ZNF528: variants seen among roughly 807,000 people sequenced by gnomAD.
ZNF528 encodes the protein zinc finger protein 528.
A neutral mutation model predicts 13.3 loss-of-function variants in ZNF528; 9 were observed. The ratio of observed to expected loss-of-function variants is 0.67; its 90% CI spans 0.41 to 1.18. ZNF528 has a LOEUF of 1.18. ZNF528 is among the 50% of genes most tolerant of loss of function. The pLI, the probability that ZNF528 is intolerant of heterozygous loss-of-function variation, is 0.01. For missense variants in ZNF528, 858 were observed against 745.4 expected (o/e 1.15, Z -1.76); for synonymous variants, 264 against 254.3 (o/e 1.04, Z -0.36).
rs116575933 is a variant in ZNF528 at position 52,401,579 on chromosome 19, T to G, written c.-136-106T>G. ...AACTACACAGCCCCCTTTCCTTTTC[T>G]GAGAGCGTTTTGTATTTTTAAAATA... is the stretch of plus-strand genomic sequence containing the variant. On this transcript the variant is annotated intron_variant, in intron 2 of 6. Coordinates refer to ENST00000360465, the MANE Select transcript of ZNF528 (RefSeq NM_032423.3). 1.3e-3 allele frequency: 1,301 copies of G among 991,822 alleles called. 15 individuals carry two copies. In the African/African-American group the frequency reaches 0.021, roughly 16 times the overall value. 61.4% of individuals were successfully genotyped at this position (991,822 alleles called of 1,614,324 possible). A position where few individuals can be genotyped will look rare whatever the true frequency, so the allele number is the denominator to read the frequency against.
At position 52,405,921 on chromosome 19, in the gene ZNF528, C is replaced by G. The variant is rs1317892737; in HGVS notation, c.30C>G (p.Phe10Leu). Residue 10 changes from phenylalanine (F) to leucine (L), a missense_variant, in exon 5 of 7, where the codon TTC becomes TTG. Coordinates refer to ENST00000360465, the MANE Select transcript of ZNF528 (RefSeq NM_032423.3). ...TTTTCTTTCAGGGACCCTTGAAATT[C>G]ATGGATGTGGCCATAGAGTTCTCTC... MALTQGPLKFMDVAIEFSQE... is the reference protein window; with the variant it reads MALTQGPLKLMDVAIEFSQE... The G allele has an allele frequency of 6.2e-7, 1 of 1,610,904 alleles. No homozygotes were observed. The highest frequency in any genetic ancestry group is 1.7e-5 in the Admixed American group (1 of 59,910).
rs376713759 is a variant in ZNF528, at chr19:52,407,446, G to C, written c.271+803G>C. Among the ~76,000 whole-genome samples the C allele has an allele frequency of 1.1e-4, 17 of 152,202 alleles. No homozygotes were observed. The East Asian group carries it at 2.9e-3, about 26-fold the overall frequency. Reference sequence around the variant, plus strand: ...TAAGCCACAGCAACCAGTAAGGTGTGTTGTTTAATTGGCAAATATTTGTGG... The same window carrying C: ...TAAGCCACAGCAACCAGTAAGGTGTCTTGTTTAATTGGCAAATATTTGTGG... On this transcript the variant is annotated intron_variant, in intron 6 of 6. Coordinates refer to ENST00000360465, the MANE Select transcript of ZNF528 (RefSeq NM_032423.3).
intron 6 of ZNF528, among the ~76,000 whole-genome samples, chr19:52,408,978 T>G (rs1430105017): frequency 1.3e-5 from 2 of 152,214 alleles, no homozygotes; most frequent in Non-Finnish European, 2.9e-5. Flanking sequence ...GAATACTAAT[T>G]AACTTCCTCA....
Position 52,405,954 on chromosome 19 carries a change from G to C in ZNF528, c.63G>C (p.Glu21Asp), listed in dbSNP as rs1268298372. Residue 21 changes from glutamate to aspartate, a missense_variant, in exon 5 of 7, where the codon GAG becomes GAC. Coordinates refer to ENST00000360465, the MANE Select transcript of ZNF528 (RefSeq NM_032423.3). ...MDVAIEFSQEEWKCLDPAQRT... is the reference protein window; with the variant it reads ...MDVAIEFSQEDWKCLDPAQRT... ...TGGCCATAGAGTTCTCTCAGGAAGA[G>C]TGGAAATGCCTGGACCCTGCGCAGA... The C allele has an allele frequency of 6.2e-7, 1 of 1,612,240 alleles. No individual in the cohort carries two copies. The highest frequency in any genetic ancestry group is 8.5e-7 in the Non-Finnish European group (1 of 1,178,684).
intron 4 of ZNF528, 146 bp from the exon 5 acceptor site, chr19:52,405,761 C>A: frequency 2.0e-6 from 2 of 1,002,914 alleles, no homozygotes; most frequent in Non-Finnish European, 3.0e-6. Flanking sequence ...CAATTACAGA[C>A]ACGTAACTGG....
chr19:52,416,743 T>C lies in ZNF528; in HGVS notation c.*4T>C. On this transcript the variant is annotated 3_prime_UTR_variant, in exon 7 of 7. Coordinates refer to ENST00000360465, the MANE Select transcript of ZNF528 (RefSeq NM_032423.3). ...GCATCAGAGAGTTCATTCATGAGAG[T>C]CCCTACAAACTGTATGGCAAAACCA... 1 of 1,505,030 alleles carries C rather than the reference T, an allele frequency of 6.6e-7. No homozygotes were observed. The highest frequency in any genetic ancestry group is 8.9e-7 in the Non-Finnish European group (1 of 1,118,056). 93.2% of individuals were successfully genotyped at this position (1,505,030 alleles called of 1,614,324 possible).
At chr19:52,414,843 T>C in intron 6 of ZNF528, 1 of 964,136 alleles carries the variant, frequency 1.0e-6, no homozygotes, top group Non-Finnish European at 1.5e-6. Context: ...CCTAAGAGGC[T>C]CATCCCTGCT....
chr19:52,409,302 CTTT>C (rs201367844), intron 6 of ZNF528, among the ~76,000 whole-genome samples: 3 of 140,528 alleles, frequency 2.1e-5, no homozygotes. Context: ...GATCAAATCT[CTTT>C]TTTTTTTTTT....
chr19:52,403,973 T>A (rs200175334), intron 4 of ZNF528, among the ~76,000 whole-genome samples: 1 of 22,906 alleles, frequency 4.4e-5, no homozygotes, highest in African/African-American at 5.4e-5. Flanking sequence ...TATGCAGATA[T>A]AATGACCTTT....
chr19:52,402,841 A>C (rs2058811135), intron 4 of ZNF528, among the ~76,000 whole-genome samples: 1 of 152,318 alleles, frequency 6.6e-6, no homozygotes, highest in East Asian at 1.9e-4. Context: ...AATTTTGTTA[A>C]TACCTAAATA....
At chr19:52,413,567 T>G (rs776305762) in intron 6 of ZNF528, 2 of 152,206 alleles carry the variant, frequency 1.3e-5, no homozygotes, top group African/African-American at 2.4e-5. Context: ...AAGCACAAGG[T>G]CCTAAGGGCT....
rs373238371 is a variant in ZNF528 at position 52,406,654 on chromosome 19, G to C, written c.271+11G>C. Reference sequence around the variant, plus strand: ...AAGGTGTGAACACAGGTGAGAGCTCGGGTGGGCAGAGTGGAGGCCCCATAA... The same window carrying C: ...AAGGTGTGAACACAGGTGAGAGCTCCGGTGGGCAGAGTGGAGGCCCCATAA... On this transcript the variant is annotated intron_variant, in intron 6 of 6. Coordinates refer to ENST00000360465, the MANE Select transcript of ZNF528 (RefSeq NM_032423.3). The C allele has an allele frequency of 6.2e-7, 1 of 1,603,990 alleles. No homozygotes were observed. Among genetic ancestry groups the C allele is most frequent in the Admixed American group, 1.7e-5 (1 of 57,576 alleles).
chr19:52,408,690 C>T (rs2122554098), intron 6 of ZNF528, among the ~76,000 whole-genome samples: 1 of 152,238 alleles, frequency 6.6e-6, no homozygotes, highest in East Asian at 1.9e-4. Context: ...TCTCCTGCCT[C>T]AGCCTCCCGA....
intron 6 of ZNF528, chr19:52,414,915 C>G (rs769462136): frequency 1.3e-4 from 198 of 1,484,920 alleles, no homozygotes; most frequent in Non-Finnish European, 1.7e-4. Context: ...TCAGATTTAC[C>G]CATAATTCTC....
intron 2 of ZNF528, among the ~76,000 whole-genome samples, chr19:52,398,842 AAGG>A (rs1363635300): frequency 6.6e-6 from 1 of 152,154 alleles, no homozygotes; most frequent in African/African-American, 2.4e-5. Flanking sequence ...AGCTGGTCAC[AAGG>A]AGAACAGGGA....
intron 2 of ZNF528, among the ~76,000 whole-genome samples, chr19:52,400,282 C>G (rs1442526925): frequency 6.7e-6 from 1 of 149,936 alleles, no homozygotes; most frequent in Non-Finnish European, 1.5e-5. Context: ...ATTTTTTCCA[C>G]TATTTCATCC....
intron 6 of ZNF528, among the ~76,000 whole-genome samples, chr19:52,410,049 C>G (rs1040060213): frequency 1.3e-5 from 2 of 152,124 alleles, no homozygotes; most frequent in Non-Finnish European, 2.9e-5. Flanking sequence ...TTATCCATCC[C>G]CCCTTGGTTT....
rs2058999224 is a variant in ZNF528 at position 52,416,078 on chromosome 19, A to T, written c.1226A>T (p.Tyr409Phe). 6.2e-7 allele frequency: 1 copy of T among 1,614,052 alleles called. No homozygotes were observed. The highest frequency in any genetic ancestry group is 2.2e-5 in the East Asian group (1 of 44,880). The change falls in exon 7 of 7, where the codon TAT becomes TTT. Residue 409 changes from tyrosine (Y) to phenylalanine (F), a missense_variant. Tyr to Phe is a conservative substitution (Grantham distance 22). Coordinates refer to ENST00000360465, the MANE Select transcript of ZNF528 (RefSeq NM_032423.3). The stretch of plus-strand genomic sequence containing the variant: ...AGAATTCATACTAGAGAGAGACCTT[A>T]TGGATGCAGTCAGTGTGGCAAGATC... ...HQRIHTRERP[Y>F]GCSQCGKIFS...
In ZNF528 at chr19:52,406,618, G is replaced by A. The variant is rs983882093; in HGVS notation, c.246G>A (p.Arg82=). Residue 82 remains arginine (R), a synonymous_variant, in exon 6 of 7, where the codon AGG becomes AGA. Transcript: ENST00000360465. The part of the protein sequence containing the change: ...EEKIANDPDG[R]ECIKGVNTER... ...AAATAGCAAACGATCCAGACGGCAGGGAGTGCATCAAAGGTGTGAACACAG... is the reference window on the plus strand; with the variant it reads ...AAATAGCAAACGATCCAGACGGCAGAGAGTGCATCAAAGGTGTGAACACAG... The A allele has an allele frequency of 6.2e-7, 1 of 1,613,868 alleles. No homozygotes were observed. The highest frequency in any genetic ancestry group is 1.3e-5 in the African/African-American group (1 of 75,008).
Sources: gnomAD v4.1 joint callset for allele counts (sites outside exome capture counted in the v4.1 genomes callset) on GRCh38, gnomAD v4.1.1 for gene constraint, MANE v1.5 for transcripts, NCBI Gene and HGNC (gene_info 2026-07-23, HGNC 2026-07-21) for gene names.